HAVCR1: variants seen among roughly 807,000 people sequenced by gnomAD.
HAVCR1 encodes T cell immunoglobin domain and mucin domain protein 1.
In HAVCR1, 34 loss-of-function variants were observed where a neutral mutation model predicts 32.0. The observed-to-expected ratio is 1.06, with a 90% CI of 0.81 to 1.42. The LOEUF (loss-of-function observed/expected upper bound fraction) is 1.42. HAVCR1 is among the 40% of genes most tolerant of loss of function. The pLI is 0.00. For missense variants in HAVCR1, 420 were observed against 442.3 expected (o/e 0.95, Z 0.45); for synonymous variants, 178 against 170.3 (o/e 1.05, Z -0.35).
chr5:157,055,108 C>A (rs1484482769), intron 3 of HAVCR1, 93 bp downstream of exon 3: 1 of 667,100 alleles, frequency 1.5e-6, no homozygotes, highest in Non-Finnish European at 2.6e-6. Context: ...ACAGGACTTA[C>A]GGGAACCTCC....
intron 5 of HAVCR1, among the ~76,000 whole-genome samples, chr5:157,045,765 G>A (rs1249663187): frequency 2.0e-5 from 3 of 152,190 alleles, no homozygotes; most frequent in East Asian, 1.9e-4. Flanking sequence ...AGGCAACTGA[G>A]GGCCAACCCA....
chr5:157,044,421 G>GAGAAAGAAAGAAAGAAAGAA (rs1209423817), intron 5 of HAVCR1, among the ~76,000 whole-genome samples: 3 of 33,770 alleles, frequency 8.9e-5, no homozygotes, highest in Non-Finnish European at 1.4e-4. Flanking sequence ...AGGAAGGAAG[G>GAGAAAGAAAGAAAGAAAGAA]AGAAAGAAAG....
At chr5:157,057,429 A>G (rs1321249860) in intron 2 of HAVCR1, among the ~76,000 whole-genome samples, 4 of 148,392 alleles carry the variant, frequency 2.7e-5, no homozygotes, top group African/African-American at 1.0e-4. Context: ...GAAAGAAAGA[A>G]AGAAAGAAAG....
At chr5:157,067,986 C>T in the HAVCR1 span, among the ~76,000 whole-genome samples, 2 of 151,836 alleles carry the variant, frequency 1.3e-5, no homozygotes, top group Admixed American at 1.3e-4. Flanking sequence ...TGAGCAAGAC[C>T]CGTTCTCAAA....
chr5:157,043,633 A>G (rs1755054437), intron 5 of HAVCR1, among the ~76,000 whole-genome samples: 1 of 152,178 alleles, frequency 6.6e-6, no homozygotes, highest in Non-Finnish European at 1.5e-5. Context: ...GCACCACTGC[A>G]CTCCAGGCTG....
At chr5:157,056,586 T>A (rs1321242417) in intron 2 of HAVCR1, among the ~76,000 whole-genome samples, 2 of 151,416 alleles carry the variant, frequency 1.3e-5, no homozygotes, top group Non-Finnish European at 2.9e-5. Flanking sequence ...TTCACCATGT[T>A]AGCCAGGATG....
rs1554090594 is a variant in HAVCR1, at chr5:157,044,676, A to AGGAAGGAGGGAG, written c.782-1995_782-1994insCTCCCTCCTTCC. Among the ~76,000 whole-genome samples, 37 of 109,540 alleles carry AGGAAGGAGGGAG rather than the reference A, an allele frequency of 3.4e-4. 4 individuals are homozygous for AGGAAGGAGGGAG. In the East Asian group the frequency reaches 0.01, roughly 30 times the overall value. The allele number at this position is 109,540 out of a possible 152,430, so 71.9% of individuals were successfully genotyped here. On this transcript the variant is annotated intron_variant, in intron 5 of 8. Coordinates refer to ENST00000523175, the MANE Select transcript of HAVCR1 (RefSeq NM_001173393.3). ...AAGAAAGAAAGAAAGAAAGAAAGAAAGGAGGGAGGGAGGAAGGAAGGAAGG... is the reference window on the plus strand; with the variant it reads ...AAGAAAGAAAGAAAGAAAGAAAGAAAGGAAGGAGGGAGGGAGGGAGGGAGGAAGGAAGGAAGG...
the HAVCR1 span, among the ~76,000 whole-genome samples, chr5:157,068,063 G>A: frequency 6.6e-6 from 1 of 152,042 alleles, no homozygotes; most frequent in Non-Finnish European, 1.5e-5. Flanking sequence ...CTTGAGGTCA[G>A]GAGTTCCAGA....
In HAVCR1 at chr5:157,058,003, G is replaced by A. The variant is rs905509999; in HGVS notation, c.-12-48C>T. On this transcript the variant is annotated intron_variant, in intron 1 of 8. Transcript: ENST00000523175. ...GCTGGTTGGTACCCTCCACCAGATG[G>A]TATCTGATCAAGTCTTAAATCTCAG... 5 of 1,287,052 alleles carry A rather than the reference G, an allele frequency of 3.9e-6. No homozygotes were observed. In the African/African-American group the frequency reaches 7.3e-5, roughly 19 times the overall value. The allele number at this position is 1,287,052 out of a possible 1,614,324, so 79.7% of individuals were successfully genotyped here.
chr5:157,062,667 C>T (rs1472646125), upstream of HAVCR1, among the ~76,000 whole-genome samples: 1 of 152,158 alleles, frequency 6.6e-6, no homozygotes, highest in African/African-American at 2.4e-5. Context: ...AACTGTCTTC[C>T]TACCTTTCAG....
chr5:157,050,328 G>C (rs1755664853), intron 4 of HAVCR1, among the ~76,000 whole-genome samples: 1 of 152,108 alleles, frequency 6.6e-6, no homozygotes, highest in African/African-American at 2.4e-5. Flanking sequence ...TCCTAAGTTT[G>C]GGTCCTTATG....
chr5:157,029,606 A>G lies in HAVCR1; in HGVS notation c.*127T>C. ...AGTTACTCTACCCAGTATCACTGAC[A>G]TGTTGGAATGCCAGATGAAACTGAA... is the stretch of plus-strand genomic sequence containing the variant. On this transcript the variant is annotated 3_prime_UTR_variant, in exon 9 of 9. Coordinates refer to ENST00000523175, the MANE Select transcript of HAVCR1 (RefSeq NM_001173393.3). 6.5e-7 allele frequency: 1 copy of G among 1,543,272 alleles called. No homozygotes were observed. Among genetic ancestry groups the G allele is most frequent in the Non-Finnish European group, 8.7e-7 (1 of 1,148,170 alleles).
chr5:157,053,933 C>T (rs1378200476), intron 3 of HAVCR1, among the ~76,000 whole-genome samples: 1 of 151,940 alleles, frequency 6.6e-6, no homozygotes, highest in East Asian at 1.9e-4. Context: ...GTAGGCCCAG[C>T]CCTTTGGGAG....
At chr5:157,031,339 G>T in intron 8 of HAVCR1, among the ~76,000 whole-genome samples, 1 of 152,144 alleles carries the variant, frequency 6.6e-6, no homozygotes, top group East Asian at 1.9e-4. Context: ...ATCCAATGAA[G>T]GAGAACTAGA....
At chr5:157,040,354 A>T (rs1754814299) in intron 6 of HAVCR1, among the ~76,000 whole-genome samples, 1 of 152,054 alleles carries the variant, frequency 6.6e-6, no homozygotes, top group Non-Finnish European at 1.5e-5. Context: ...AGTATTTTTT[A>T]AATCCAGCAC....
At chr5:157,047,735 G>A (rs1755490556) in intron 5 of HAVCR1, among the ~76,000 whole-genome samples, 1 of 152,092 alleles carries the variant, frequency 6.6e-6, no homozygotes. Context: ...GTAAACATAA[G>A]TGTTTCCCTG....
intron 5 of HAVCR1, among the ~76,000 whole-genome samples, 192 bp downstream of exon 5, chr5:157,048,844 AAC>A (rs57620461): frequency 0.84 from 126,146 of 149,952 alleles, 53,127 homozygotes; most frequent in East Asian, 0.98. Context: ...AAAAAAAGAA[AAC>A]ACACACACAC....
intron 6 of HAVCR1, among the ~76,000 whole-genome samples, chr5:157,038,804 G>A (rs1323629984): frequency 1.3e-5 from 2 of 152,150 alleles, no homozygotes; most frequent in Admixed American, 6.5e-5. Flanking sequence ...ATTTTAGAAT[G>A]TGCAGCTAAG....
chr5:157,047,272 C>G (rs1755459867), intron 5 of HAVCR1, among the ~76,000 whole-genome samples: 3 of 152,108 alleles, frequency 2.0e-5, no homozygotes, highest in Admixed American at 2.0e-4. Context: ...CCCAAAAGGC[C>G]TGGGTGCGGT....
Sources: gnomAD v4.1 joint callset for allele counts (sites outside exome capture counted in the v4.1 genomes callset) on GRCh38, gnomAD v4.1.1 for gene constraint, MANE v1.5 for transcripts, NCBI Gene and HGNC (gene_info 2026-07-23, HGNC 2026-07-21) for gene names.